The following ZFHX4 variants were observed in gnomAD, a reference collection of about 807,000 sequenced individuals.
ZFHX4 encodes the protein zinc finger homeobox protein 4.
Under a neutral mutation model 267.6 loss-of-function variants are expected in ZFHX4, and 56 were observed. That is an observed-to-expected ratio of 0.21 (90% CI 0.17 to 0.26). The LOEUF is 0.26. ZFHX4 is among the 10% of genes least tolerant of loss of function. The pLI, the probability that ZFHX4 is intolerant of heterozygous loss-of-function variation, is 1.00. For synonymous variants in ZFHX4, 1,778 were observed against 1,665.6 expected (o/e 1.07, Z -1.64); for missense variants, 4,332 against 4,420.0 (o/e 0.98, Z 0.56).
Position 76,842,665 on chromosome 8 carries a change from T to C in ZFHX4, c.3405T>C (p.Ser1135=). 6.4e-7 allele frequency: 1 copy of C among 1,550,818 alleles called. No individual in the cohort carries two copies. The highest frequency in any genetic ancestry group is 8.7e-7 in the Non-Finnish European group (1 of 1,146,420). The change falls in exon 6 of 11, where the codon AGT becomes AGC. Residue 1135 remains serine (S), a synonymous_variant. Coordinates refer to ENST00000651372, the MANE Select transcript of ZFHX4 (RefSeq NM_024721.5). ...TGCCTTTCTTAACAGAAGAACAAAG[T>C]GAGGAGGCAGAAGGAGCTATTAAGC... The part of the protein sequence containing the change: ...QQLRSTSEEQ[S]EEAEGAIKPT...
chr8:76,794,246 G>C (rs533082709), intron 4 of ZFHX4, among the ~76,000 whole-genome samples: 3 of 152,106 alleles, frequency 2.0e-5, no homozygotes, highest in Non-Finnish European at 4.4e-5. Flanking sequence ...GCTATAGCTG[G>C]AAGGTTAAAA....
rs779747228 is a variant in ZFHX4, at chr8:76,855,744, C to T, written c.8823C>T (p.Leu2941=). 6.2e-7 allele frequency: 1 copy of T among 1,613,928 alleles called. No homozygotes were observed. Among genetic ancestry groups the T allele is most frequent in the Non-Finnish European group, 8.5e-7 (1 of 1,179,876 alleles). ...RFRTQMSNLQ[L]KVLKACFSDY... ...GAACGCAAATGAGCAATCTTCAACT[C>T]AAGGTTCTCAAGGCTTGCTTTAGTG... The change falls in exon 10 of 11, where the codon CTC becomes CTT. Residue 2941 remains leucine (L), a synonymous_variant. Coordinates refer to ENST00000651372, the MANE Select transcript of ZFHX4 (RefSeq NM_024721.5).
intron 1 of ZFHX4, among the ~76,000 whole-genome samples, chr8:76,695,135 G>A (rs994536351): frequency 4.6e-5 from 7 of 152,010 alleles, no homozygotes; most frequent in Non-Finnish European, 1.0e-4. Context: ...GGGAGGTGGG[G>A]GTCATGAGGA....
chr8:76,725,802 A>G (rs964624704), intron 3 of ZFHX4, among the ~76,000 whole-genome samples: 3 of 152,168 alleles, frequency 2.0e-5, no homozygotes, highest in African/African-American at 7.2e-5. Context: ...CACTGCTATG[A>G]CAAATATATC....
chr8:76,717,607 C>CT (rs757904479), intron 3 of ZFHX4, among the ~76,000 whole-genome samples: 20 of 152,112 alleles, frequency 1.3e-4, no homozygotes, highest in Non-Finnish European at 2.2e-4. Flanking sequence ...CTTTCTTTTT[C>CT]TTTTTTTGAG....
intron 4 of ZFHX4, among the ~76,000 whole-genome samples, chr8:76,795,242 CACAG>C (rs1810945816): frequency 6.6e-6 from 1 of 151,964 alleles, no homozygotes; most frequent in African/African-American, 2.4e-5. Context: ...AAATAGTAAC[CACAG>C]AAAATAATAG....
At chr8:76,684,558 A>T (rs1807642895) in intron 1 of ZFHX4, among the ~76,000 whole-genome samples, 1 of 152,230 alleles carries the variant, frequency 6.6e-6, no homozygotes, top group South Asian at 2.1e-4. Context: ...TCAATGAAAT[A>T]TGGGGGAAAT....
intron 4 of ZFHX4, among the ~76,000 whole-genome samples, chr8:76,788,214 G>A (rs766045945): frequency 3.6e-4 from 54 of 152,104 alleles, no homozygotes; most frequent in Non-Finnish European, 6.0e-4. Context: ...GGAACCACAT[G>A]CTCATAGTCT....
intron 3 of ZFHX4, among the ~76,000 whole-genome samples, chr8:76,722,476 G>C (rs1808747090): frequency 6.6e-6 from 1 of 151,968 alleles, no homozygotes; most frequent in Admixed American, 6.6e-5. Flanking sequence ...ATAGGGGAAT[G>C]TCTCAGAGAA....
chr8:76,864,182 T>C lies in ZFHX4; in HGVS notation c.10468T>C (p.Leu3490=). ...AAATGCCAAAGAGCATGTTAGATTA[T>C]TACCTCACTCAGTCTGCTCCCCTAA... ...MRNAKEHVRL[L]PHSVCSPNPN... is the part of the protein sequence containing the mutation. The change falls in exon 11 of 11, where the codon TTA becomes CTA. Residue 3490 remains leucine, a synonymous_variant. Coordinates refer to ENST00000651372, the MANE Select transcript of ZFHX4 (RefSeq NM_024721.5). The C allele has an allele frequency of 6.2e-7, 1 of 1,613,934 alleles. No homozygotes were observed. The highest frequency in any genetic ancestry group is 8.5e-7 in the Non-Finnish European group (1 of 1,179,846).
intron 3 of ZFHX4, chr8:76,708,289 C>T (rs1808333975): frequency 1.9e-6 from 1 of 529,880 alleles, no homozygotes. Flanking sequence ...TATTTCTTCA[C>T]TGGCTTCCCC....
intron 3 of ZFHX4, among the ~76,000 whole-genome samples, chr8:76,757,645 A>C (rs1272332302): frequency 6.6e-6 from 1 of 152,206 alleles, no homozygotes; most frequent in Non-Finnish European, 1.5e-5. Flanking sequence ...TGAGGAGGAA[A>C]GTGCAGAGAG....
At chr8:76,797,051 C>G (rs1160837162) in intron 4 of ZFHX4, among the ~76,000 whole-genome samples, 1 of 152,204 alleles carries the variant, frequency 6.6e-6, no homozygotes, top group Non-Finnish European at 1.5e-5. Flanking sequence ...AGAAACCACT[C>G]ATGTCCGCAG....
chr8:76,712,377 T>G lies in ZFHX4; in HGVS notation c.3093+4329T>G, dbSNP rs1356641557. On this transcript the variant is annotated intron_variant, in intron 3 of 10. Transcript: ENST00000651372. The stretch of plus-strand genomic sequence containing the variant: ...AAATTTAAAAAATGGAATAATTAGG[T>G]TCATCTACCTTTTTGTGCCTTTTTT... 3.3e-5 allele frequency among the ~76,000 whole-genome samples: 5 copies of G among 152,266 alleles called. No individual in the cohort carries two copies. The East Asian group carries it at 9.6e-4, about 29-fold the overall frequency.
chr8:76,714,553 G>A (rs758513902), intron 3 of ZFHX4, among the ~76,000 whole-genome samples: 4 of 152,178 alleles, frequency 2.6e-5, no homozygotes, highest in Non-Finnish European at 5.9e-5. Context: ...ACCAATAACC[G>A]TGAGGAAACA....
At chr8:76,829,638 A>T (rs927694737) in intron 4 of ZFHX4, among the ~76,000 whole-genome samples, 1 of 152,078 alleles carries the variant, frequency 6.6e-6, no homozygotes, top group Non-Finnish European at 1.5e-5. Context: ...AAGAAACCCC[A>T]TCTCTACTAA....
At chr8:76,807,897 A>G (rs1016778293) in intron 4 of ZFHX4, among the ~76,000 whole-genome samples, 2 of 152,260 alleles carry the variant, frequency 1.3e-5, no homozygotes, top group Admixed American at 6.5e-5. Context: ...TCCATACTAT[A>G]TAATAGTTTA....
Position 76,705,124 on chromosome 8 carries a change from C to T in ZFHX4, c.1036C>T (p.Pro346Ser), listed in dbSNP as rs763305879. The change falls in exon 2 of 11, where the codon CCC becomes TCC. Residue 346 changes from proline (P) to serine (S), a missense_variant. Pro to Ser is a moderately conservative substitution (Grantham distance 74, BLOSUM62 -1). Transcript: ENST00000651372. ...ACCAAAAAAATCCACTTCTGTTTAT[C>T]CCCATTTTTCTACTACAAACCTCAT... ...LEPKKSTSVY[P>S]HFSTTNLIGP... The T allele has an allele frequency of 6.2e-7, 1 of 1,613,582 alleles. No homozygotes were observed. Among genetic ancestry groups the T allele is most frequent in the Admixed American group, 1.7e-5 (1 of 59,924 alleles).
At chr8:76,805,852 T>C (rs561484611) in intron 4 of ZFHX4, among the ~76,000 whole-genome samples, 1 of 152,016 alleles carries the variant, frequency 6.6e-6, no homozygotes, top group South Asian at 2.1e-4. Flanking sequence ...AGTACGCCTT[T>C]AGGGGAAAAA....
Sources: allele counts gnomAD v4.1 joint callset (sites outside exome capture counted in the v4.1 genomes callset), GRCh38; gene constraint gnomAD v4.1.1; transcripts MANE v1.5; gene names NCBI Gene and HGNC (gene_info 2026-07-23, HGNC 2026-07-21).